The following ZPLD1 variants were observed in gnomAD, a reference collection of about 807,000 sequenced individuals.
ZPLD1 encodes zona pellucida like domain containing 1.
A neutral mutation model predicts 47.2 loss-of-function variants in ZPLD1; 34 were observed. That is an observed-to-expected ratio of 0.72 (90% confidence interval 0.55 to 0.96). The LOEUF is 0.96. ZPLD1 is among the 40% of genes least tolerant of loss of function. ZPLD1 has a pLI of 0.00. For missense variants in ZPLD1, 512 were observed against 505.8 expected, an observed-to-expected ratio of 1.01 and a Z score of -0.12; for synonymous variants, 176 against 186.2, an observed-to-expected ratio of 0.95 and a Z score of 0.45.
intron 10 of ZPLD1, among the ~76,000 whole-genome samples, chr3:102,473,740 ACAGAACT>A (rs1429042280): frequency 2.0e-5 from 3 of 152,320 alleles, no homozygotes; most frequent in South Asian, 4.1e-4. Flanking sequence ...CCACATGAAC[ACAGAACT>A]CAGAACTCAA....
intron 8 of ZPLD1, among the ~76,000 whole-genome samples, chr3:102,422,537 A>G (rs1451932843): frequency 2.0e-5 from 3 of 152,064 alleles, no homozygotes; most frequent in African/African-American, 7.2e-5. Flanking sequence ...TGAGGAAAAT[A>G]CAGAAGAAGT....
chr3:102,442,942 T>C (rs1342046640), intron 3 of ZPLD1, among the ~76,000 whole-genome samples: 1 of 152,190 alleles, frequency 6.6e-6, no homozygotes, highest in African/African-American at 2.4e-5. Flanking sequence ...GTTGTGATGA[T>C]TCTAGAATAA....
chr3:102,410,687 C>T (rs2107298724), intron 7 of ZPLD1, among the ~76,000 whole-genome samples: 1 of 151,786 alleles, frequency 6.6e-6, no homozygotes, highest in African/African-American at 2.4e-5. Flanking sequence ...GTTTATTCCC[C>T]CCTCTATTAA....
upstream of ZPLD1, among the ~76,000 whole-genome samples, chr3:102,430,740 C>A (rs550780834): frequency 1.3e-5 from 2 of 152,006 alleles, no homozygotes; most frequent in South Asian, 4.2e-4. Context: ...GGCATTTTGT[C>A]CCTTGTGATT....
upstream of ZPLD1, among the ~76,000 whole-genome samples, chr3:102,433,460 T>C (rs1707041708): frequency 6.6e-6 from 1 of 152,206 alleles, no homozygotes; most frequent in African/African-American, 2.4e-5. Flanking sequence ...TTTAAAACAC[T>C]CTGGTACACA....
At chr3:102,435,284 C>T in intron 1 of ZPLD1, 130 bp downstream of exon 1, 1 of 979,910 alleles carries the variant, frequency 1.0e-6, no homozygotes, top group Non-Finnish European at 1.6e-6. Context: ...AATAGGGATA[C>T]TGCCTTTATA....
chr3:102,470,536 G>A (rs1707666481), intron 10 of ZPLD1, 34 bp downstream of exon 10: 2 of 1,573,902 alleles, frequency 1.3e-6, no homozygotes, highest in South Asian at 1.1e-5. Context: ...TGTAGTAATA[G>A]ACGGTTCCAA....
chr3:102,388,906 A>AGAGTTT (rs374371349), intron 6 of ZPLD1, among the ~76,000 whole-genome samples: 1 of 152,306 alleles, frequency 6.6e-6, no homozygotes, highest in Non-Finnish European at 1.5e-5. Flanking sequence ...CAGAAAGGCA[A>AGAGTTT]GAGTTTGACT....
At chr3:102,434,285 A>G (rs1008019810), upstream of ZPLD1, among the ~76,000 whole-genome samples, 2 of 152,242 alleles carry the variant, frequency 1.3e-5, no homozygotes, top group Admixed American at 6.5e-5. Context: ...TGTTTGTGAC[A>G]GAACTATACC....
In ZPLD1 at chr3:102,471,379, G is replaced by T. The variant is rs373122158; in HGVS notation, c.1042+877G>T. Among the ~76,000 whole-genome samples, 7 of 152,126 alleles carry T rather than the reference G, an allele frequency of 4.6e-5. No individual in the cohort carries two copies. The South Asian group carries it at 1.5e-3, about 32-fold the overall frequency. ...TTATAAATAGCCTATTAAACACTCCGTACATGGCCCAGTTTGAGTACCATT... is the reference window on the plus strand; with the variant it reads ...TTATAAATAGCCTATTAAACACTCCTTACATGGCCCAGTTTGAGTACCATT... On this transcript the variant is annotated intron_variant, in intron 10 of 11. Transcript: ENST00000466937.
chr3:102,429,425 C>T (rs953656227), intron 8 of ZPLD1, among the ~76,000 whole-genome samples: 3 of 152,018 alleles, frequency 2.0e-5, no homozygotes, highest in South Asian at 2.1e-4. Context: ...TGTTATCTGA[C>T]GAGGGGGAAT....
At chr3:102,424,817 T>C (rs573659522) in intron 8 of ZPLD1, among the ~76,000 whole-genome samples, 12 of 152,208 alleles carry the variant, frequency 7.9e-5, no homozygotes, top group South Asian at 2.1e-4. Context: ...TCCTATACTA[T>C]GCAATCCTAT....
intron 6 of ZPLD1, among the ~76,000 whole-genome samples, chr3:102,461,815 T>C (rs1404369011): frequency 6.6e-6 from 1 of 152,038 alleles, no homozygotes; most frequent in African/African-American, 2.4e-5. Context: ...AGGTAAGTGA[T>C]TTTTGGTAAA....
At position 102,479,643 on chromosome 3, in the gene ZPLD1, C is replaced by T. The variant is rs1707810872; in HGVS notation, c.*2025C>T. The T allele has an allele frequency of 6.6e-6, 1 of 152,044 alleles. No individual in the cohort carries two copies. Among genetic ancestry groups the T allele is most frequent in the South Asian group, 2.1e-4 (1 of 4,814 alleles). 9.4% of individuals were successfully genotyped at this position (152,044 alleles called of 1,614,324 possible). On this transcript the variant is annotated 3_prime_UTR_variant, in exon 12 of 12. Coordinates refer to ENST00000466937, the MANE Select transcript of ZPLD1 (RefSeq NM_001329788.2). Reference sequence around the variant, plus strand: ...GATAAACCAGGTCTGTTTTTTACAACTTTGTTCTTATAAATCTGCAGTTAT... The same window carrying T: ...GATAAACCAGGTCTGTTTTTTACAATTTTGTTCTTATAAATCTGCAGTTAT...
chr3:102,400,121 A>G (rs745474595), intron 7 of ZPLD1, among the ~76,000 whole-genome samples: 27 of 151,960 alleles, frequency 1.8e-4, no homozygotes, highest in Non-Finnish European at 3.2e-4. Context: ...GCCTGGCCAG[A>G]GAGTTTAATT....
At chr3:102,471,056 C>T (rs1008017641) in intron 10 of ZPLD1, among the ~76,000 whole-genome samples, 2 of 152,184 alleles carry the variant, frequency 1.3e-5, no homozygotes, top group African/African-American at 4.8e-5. Flanking sequence ...GGATTACAGG[C>T]GTGATCCCAG....
chr3:102,388,718 A>AGT (rs1288429840), intron 6 of ZPLD1, among the ~76,000 whole-genome samples: 2 of 152,150 alleles, frequency 1.3e-5, no homozygotes, highest in Admixed American at 6.6e-5. Context: ...TTCTCTGCAC[A>AGT]GTGGTTTTTG....
chr3:102,442,468 T>C (rs901972626), intron 3 of ZPLD1, among the ~76,000 whole-genome samples: 3 of 152,142 alleles, frequency 2.0e-5, no homozygotes, highest in Non-Finnish European at 4.4e-5. Flanking sequence ...AGAGACTTTA[T>C]ATTTAGATGG....
At chr3:102,462,445 A>G (rs1707523574) in intron 7 of ZPLD1, 67 bp downstream of exon 7, 1 of 1,043,690 alleles carries the variant, frequency 9.6e-7, no homozygotes, top group Non-Finnish European at 1.4e-6. Flanking sequence ...ATGAGTCATA[A>G]AGTTGGGCCA....
Sources: allele counts gnomAD v4.1 joint callset (sites outside exome capture counted in the v4.1 genomes callset), GRCh38; gene constraint gnomAD v4.1.1; transcripts MANE v1.5; gene names NCBI Gene and HGNC (gene_info 2026-07-23, HGNC 2026-07-21).